Variants in ATP6V0A1 observed in about 807,000 individuals in gnomAD.
The protein encoded by ATP6V0A1 is ATPase H+ transporting V0 subunit a1, also known as V-type proton ATPase 116 kDa subunit a 1.
ATP6V0A1 carries 43 observed loss-of-function variants against 105.4 expected under a neutral mutation model. The ratio of observed to expected loss-of-function variants is 0.41; its 90% confidence interval spans 0.32 to 0.53. The LOEUF (loss-of-function observed/expected upper bound fraction) is 0.53, where lower values mean the gene tolerates loss of function less well. Among genes scored for constraint, ATP6V0A1 ranks in the 20% least tolerant of loss-of-function variants. ATP6V0A1 has a pLI of 0.30. For synonymous variants in ATP6V0A1, 362 were observed against 372.8 expected (o/e 0.97, Z 0.33); for missense variants, 676 against 1,051.1 (o/e 0.64, Z 4.93).
intron 21 of ATP6V0A1, chr17:42,518,670 A>G (rs2092720259): frequency 6.6e-6 from 1 of 152,290 alleles, no homozygotes; most frequent in Admixed American, 6.5e-5. Context: ...CTGAGTCACC[A>G]GGTGGCCTTT....
At chr17:42,491,197 A>G (rs185523365) in intron 11 of ATP6V0A1, among the ~76,000 whole-genome samples, 120 of 152,254 alleles carry the variant, frequency 7.9e-4, no homozygotes, top group African/African-American at 2.8e-3. Flanking sequence ...GGTGTGACCC[A>G]CTATGCCTGG....
chr17:42,521,859 C>G lies in ATP6V0A1; in HGVS notation c.*739C>G, dbSNP rs1044016723. ...TCCGCAGTGCACAGGGCTTCCCTCT[C>G]TCGGGGTTGGCTTCTTCCCAGGCCT... On this transcript the variant is annotated 3_prime_UTR_variant, in exon 22 of 22. Coordinates refer to ENST00000343619, the MANE Select transcript of ATP6V0A1 (RefSeq NM_001130021.3). This position sits in a 1 kb window ranked among gnomAD's most constrained non-coding sequence, Gnocchi z 4.8. The G allele has an allele frequency of 6.5e-6, 1 of 152,750 alleles. No individual in the cohort carries two copies. Among genetic ancestry groups the G allele is most frequent in the Non-Finnish European group, 1.5e-5 (1 of 68,392 alleles). The allele number at this position is 152,750 out of a possible 1,614,324, so 9.5% of individuals were successfully genotyped here.
intron 18 of ATP6V0A1, 89 bp downstream of exon 18, chr17:42,507,716 C>A (rs774414032): frequency 1.8e-6 from 2 of 1,100,604 alleles, no homozygotes; most frequent in South Asian, 1.2e-5. Context: ...CAGTCTTCTC[C>A]TTGAAAAATA....
At chr17:42,469,059 C>T (rs1401019572) in intron 4 of ATP6V0A1, among the ~76,000 whole-genome samples, 6 of 151,904 alleles carry the variant, frequency 3.9e-5, no homozygotes, top group African/African-American at 7.3e-5. Flanking sequence ...TGTTGGCCAG[C>T]TTGATCTCGA....
chr17:42,462,761 TA>T (rs1212036777), intron 2 of ATP6V0A1, among the ~76,000 whole-genome samples: 1 of 151,632 alleles, frequency 6.6e-6, no homozygotes, highest in East Asian at 1.9e-4. Context: ...AATTTTTTTT[TA>T]ATAATAAAAT....
chr17:42,507,677 T>A, intron 18 of ATP6V0A1, 50 bp downstream of exon 18: 2 of 1,461,744 alleles, frequency 1.4e-6, no homozygotes, highest in Non-Finnish European at 9.6e-7. Context: ...GGGTCAGCCC[T>A]AGTCTTGTGT....
intron 6 of ATP6V0A1, among the ~76,000 whole-genome samples, chr17:42,478,205 C>T (rs1275627845): frequency 2.0e-5 from 2 of 101,260 alleles, no homozygotes; most frequent in African/African-American, 8.2e-5. Context: ...ACACCGGGGC[C>T]TGTTGTGGGG....
chr17:42,508,497 A>G, intron 18 of ATP6V0A1, 75 bp from the exon 19 acceptor site: 4 of 1,583,618 alleles, frequency 2.5e-6, no homozygotes, highest in Non-Finnish European at 3.5e-6. Flanking sequence ...AGAAGCATTC[A>G]GTAGCCTTGT....
intron 2 of ATP6V0A1, among the ~76,000 whole-genome samples, chr17:42,465,486 C>T (rs1030699830): frequency 8.6e-5 from 13 of 151,570 alleles, no homozygotes; most frequent in African/African-American, 1.9e-4. Context: ...GATGGAGTTT[C>T]GCCATGTTGG....
intron 21 of ATP6V0A1, among the ~76,000 whole-genome samples, chr17:42,515,202 C>A (rs1194713424): frequency 6.6e-6 from 1 of 152,060 alleles, no homozygotes; most frequent in African/African-American, 2.4e-5. Context: ...CACGGTGGCT[C>A]ATGCCTGTAA....
rs552051506 is a variant in ATP6V0A1, at chr17:42,463,662, G to T, written c.117+2651G>T. On this transcript the variant is annotated intron_variant, in intron 2 of 21. Transcript: ENST00000343619. ...GTCTTTTTTTTAGTTTACAAGTTTTGATTTTTCTTAAGCAAATACAGTTGA... is the reference window on the plus strand; with the variant it reads ...GTCTTTTTTTTAGTTTACAAGTTTTTATTTTTCTTAAGCAAATACAGTTGA... Among the ~76,000 whole-genome samples the T allele has an allele frequency of 2.0e-5, 3 of 152,132 alleles. No homozygotes were observed. The South Asian group carries it at 6.2e-4, about 32-fold the overall frequency.
chr17:42,478,745 T>C (rs2089103806), intron 7 of ATP6V0A1, 156 bp downstream of exon 7: 1 of 729,592 alleles, frequency 1.4e-6, no homozygotes, highest in Non-Finnish European at 2.0e-6. Flanking sequence ...TCCTCTTAGT[T>C]AATTCCTGTC....
intron 20 of ATP6V0A1, 98 bp downstream of exon 20, chr17:42,514,076 T>C: frequency 7.1e-7 from 1 of 1,400,776 alleles, no homozygotes; most frequent in Admixed American, 1.8e-5. Flanking sequence ...ACATGAAGGT[T>C]CTGGAATTAT....
chr17:42,496,520 C>T (rs2091195772), intron 14 of ATP6V0A1: 1 of 151,336 alleles, frequency 6.6e-6, no homozygotes, highest in South Asian at 2.1e-4. Context: ...GAATGTAATA[C>T]AGGGCATCTG....
Position 42,468,082 on chromosome 17 carries a change from TC to T in ATP6V0A1, c.274del (p.Arg92GlyfsTer3). ...MDTGENPEVPFPRDMIDLEAN... is the reference protein window; with the variant it reads ...MDTGENPEVPXPRDMIDLEAN... ...ACCGGTGAAAACCCAGAGGTTCCCT[TC>T]CCCCGGGACATGATTGACTTAGAGG... On this transcript the variant is annotated frameshift_variant, in exon 4 of 22. Transcript: ENST00000343619. LOFTEE classifies it high-confidence loss of function. 2.5e-6 allele frequency: 4 copies of T among 1,599,322 alleles called. No individual in the cohort carries two copies. In the South Asian group the frequency reaches 3.4e-5, roughly 13 times the overall value.
At chr17:42,512,437 G>A (rs998827338) in intron 19 of ATP6V0A1, among the ~76,000 whole-genome samples, 1 of 152,168 alleles carries the variant, frequency 6.6e-6, no homozygotes, top group African/African-American at 2.4e-5. Flanking sequence ...CTCAATGCGG[G>A]CCCTGGGGCG....
Position 42,513,940 on chromosome 17 carries a change from C to G in ATP6V0A1, c.2210C>G (p.Ser737Cys). 2 of 1,614,234 alleles carry G rather than the reference C, an allele frequency of 1.2e-6. No individual in the cohort carries two copies. The highest frequency in any genetic ancestry group is 1.7e-5 in the Admixed American group (1 of 60,028). ...CTGGGCTGCATCTCCAACACTGCCT[C>G]CTACTTGCGGCTCTGGGCCCTCAGC... ...YCLGCISNTASYLRLWALSLA... is the reference protein window; with the variant it reads ...YCLGCISNTACYLRLWALSLA... Residue 737 changes from serine (S) to cysteine (C), a missense_variant, in exon 20 of 22, where the codon TCC becomes TGC. By Grantham distance (112) the Ser-to-Cys change is moderately radical. Coordinates refer to ENST00000343619, the MANE Select transcript of ATP6V0A1 (RefSeq NM_001130021.3).
Position 42,461,008 on chromosome 17 carries a change from T to C in ATP6V0A1, c.114T>C (p.Arg38=). The stretch of plus-strand genomic sequence containing the variant: ...GAGAACTTGGAAAGGTTCAGTTTCG[T>C]GACGTAAGTAGTTGTGGGGCTGCGA... ...ELGELGKVQF[R]DLNPDVNVFQ... is the part of the protein sequence containing the mutation. Residue 38 remains arginine (R), a synonymous_variant, in exon 2 of 22, where the codon CGT becomes CGC. Coordinates refer to ENST00000343619, the MANE Select transcript of ATP6V0A1 (RefSeq NM_001130021.3). The C allele has an allele frequency of 3.7e-6, 6 of 1,612,546 alleles. No individual in the cohort carries two copies. The highest frequency in any genetic ancestry group is 5.1e-6 in the Non-Finnish European group (6 of 1,178,540).
intron 8 of ATP6V0A1, among the ~76,000 whole-genome samples, chr17:42,482,285 T>A (rs528704955): frequency 6.6e-6 from 1 of 152,262 alleles, no homozygotes; most frequent in Non-Finnish European, 1.5e-5. Flanking sequence ...TAACTGGGAC[T>A]ACAGGCATGT....
Sources: gnomAD v4.1 joint callset for allele counts (sites outside exome capture counted in the v4.1 genomes callset) on GRCh38, gnomAD v4.1.1 for gene constraint, Gnocchi (gnomAD v3.1) non-coding constraint, MANE v1.5 for transcripts, NCBI Gene and HGNC (gene_info 2026-07-23, HGNC 2026-07-21) for gene names.